ATF7IP2: variants seen among roughly 807,000 people sequenced by gnomAD.
ATF7IP2 encodes activating transcription factor 7-interacting protein 2.
ATF7IP2 carries 42 observed loss-of-function variants against 64.2 expected under a neutral mutation model. That is an observed-to-expected ratio of 0.65 (90% CI 0.51 to 0.85). The LOEUF (loss-of-function observed/expected upper bound fraction) is 0.85. Among genes scored for constraint, ATF7IP2 ranks in the 40% least tolerant of loss-of-function variants. The probability of loss-of-function intolerance (pLI) is 0.00; values close to 1 mark genes in which losing one functional copy is unlikely to be tolerated. For synonymous variants in ATF7IP2, 308 were observed against 272.8 expected (o/e 1.13, Z -1.27); for missense variants, 933 against 784.2 (o/e 1.19, Z -2.27).
intron 1 of ATF7IP2, among the ~76,000 whole-genome samples, chr16:10,392,157 G>A (rs1257146994): frequency 2.0e-5 from 3 of 149,138 alleles, no homozygotes; most frequent in Admixed American, 6.8e-5. Context: ...AGGTTCAAGT[G>A]ATTCTCTTGC....
chr16:10,436,001 G>T (rs1414464515), intron 6 of ATF7IP2, among the ~76,000 whole-genome samples: 1 of 152,186 alleles, frequency 6.6e-6, no homozygotes. Flanking sequence ...AACCCAGCCA[G>T]TGAACTAACA....
At position 10,431,984 on chromosome 16, in the gene ATF7IP2, C is replaced by T. The variant is rs1202966292; in HGVS notation, c.835+529C>T. Among the ~76,000 whole-genome samples the T allele has an allele frequency of 6.1e-5, 8 of 131,874 alleles. No individual in the cohort carries two copies. In the East Asian group the frequency reaches 1.6e-3, roughly 26 times the overall value. 86.5% of individuals were successfully genotyped at this position (131,874 alleles called of 152,430 possible). ...GATTACAGATGGGCACCACTACGCC[C>T]GGCTAATTTTTTTTTTTTTTTTTTT... is the stretch of plus-strand genomic sequence containing the variant. On this transcript the variant is annotated intron_variant, in intron 5 of 13. Transcript: ENST00000562102.
rs749646325 is a variant in ATF7IP2, at chr16:10,433,515, TCTC to T, written c.836-6_836-4del. 1 of 1,603,456 alleles carries T rather than the reference TCTC, an allele frequency of 6.2e-7. No individual in the cohort carries two copies. Among genetic ancestry groups the T allele is most frequent in the Admixed American group, 1.7e-5 (1 of 57,380 alleles). On this transcript the variant is annotated splice_region_variant and splice_polypyrimidine_tract_variant and intron_variant, in intron 5 of 13. Transcript: ENST00000562102. ...AATATCTTTCTTTCTAATCTTTTGA[TCTC>T]CTCAAGGCCATTATCAAAAGAAGAG...
intron 1 of ATF7IP2, among the ~76,000 whole-genome samples, chr16:10,408,681 G>A (rs1343360556): frequency 6.6e-6 from 1 of 152,086 alleles, no homozygotes; most frequent in African/African-American, 2.4e-5. Flanking sequence ...TTTTTGATGG[G>A]ATTATTTGTT....
Position 10,393,584 on chromosome 16 carries a change from G to T in ATF7IP2, c.-242+7462G>T, listed in dbSNP as rs976545487. On this transcript the variant is annotated intron_variant, in intron 1 of 13. Coordinates refer to ENST00000562102, the MANE Select transcript of ATF7IP2 (RefSeq NM_001393719.1). ...GTTAAATTATTTTGCTCAATTGTAG[G>T]CTAATATGAGTGTTCTGAACATGTT... Among the ~76,000 whole-genome samples the T allele has an allele frequency of 2.6e-5, 4 of 152,206 alleles. No homozygotes were observed. In the South Asian group the frequency reaches 6.2e-4, roughly 24 times the overall value.
rs56045719 is a variant in ATF7IP2 at position 10,407,747 on chromosome 16, A to G, written c.-241-6827A>G. 4.8e-3 allele frequency among the ~76,000 whole-genome samples: 737 copies of G among 152,236 alleles called. 3 individuals are homozygous for G. Among genetic ancestry groups the G allele is most frequent in the African/African-American group, 0.017 (703 of 41,560 alleles). ...ATTTTGGTGCACCCATCACCCGAGC[A>G]CTATACACTGAACCCAATTTGTGGT... On this transcript the variant is annotated intron_variant, in intron 1 of 13. Transcript: ENST00000562102.
At chr16:10,474,778 A>T (rs1218805444) in intron 12 of ATF7IP2, among the ~76,000 whole-genome samples, 1 of 152,242 alleles carries the variant, frequency 6.6e-6, no homozygotes, top group Non-Finnish European at 1.5e-5. Context: ...AAAAATGAAG[A>T]TACAATGCAG....
At chr16:10,411,212 G>A (rs979953213) in intron 1 of ATF7IP2, among the ~76,000 whole-genome samples, 2 of 152,074 alleles carry the variant, frequency 1.3e-5, no homozygotes, top group Non-Finnish European at 2.9e-5. Flanking sequence ...TTGTATTAGG[G>A]TGATACTGGC....
intron 1 of ATF7IP2, among the ~76,000 whole-genome samples, chr16:10,390,977 G>A (rs942782417): frequency 2.0e-5 from 3 of 150,646 alleles, no homozygotes; most frequent in Non-Finnish European, 4.4e-5. Context: ...AGCCTGGGCA[G>A]CATAATGAGA....
At chr16:10,401,889 G>T (rs1190320076) in intron 1 of ATF7IP2, among the ~76,000 whole-genome samples, 4 of 151,602 alleles carry the variant, frequency 2.6e-5, no homozygotes, top group African/African-American at 9.7e-5. Flanking sequence ...TTTCCTGTTT[G>T]TCAGTATATA....
In ATF7IP2 at chr16:10,431,179, A is replaced by G. The variant is rs752195575; in HGVS notation, c.559A>G (p.Ser187Gly). 4 of 1,614,112 alleles carry G rather than the reference A, an allele frequency of 2.5e-6. No individual in the cohort carries two copies. In the East Asian group the frequency reaches 8.9e-5, roughly 36 times the overall value. ...TCAGATGCCAGAGTCTACAGTAACC[A>G]GTACCGTGGGTGACAAGAAAACTGA... ...VVQMPESTVT[S>G]TVGDKKTDQM... Residue 187 changes from serine to glycine, a missense_variant, in exon 5 of 14, where the codon AGT (serine) becomes GGT (glycine). Coordinates refer to ENST00000562102, the MANE Select transcript of ATF7IP2 (RefSeq NM_001393719.1).
At chr16:10,404,493 C>T (rs1423653468) in intron 1 of ATF7IP2, among the ~76,000 whole-genome samples, 3 of 152,174 alleles carry the variant, frequency 2.0e-5, no homozygotes, top group Non-Finnish European at 4.4e-5. Context: ...ATGATCCACC[C>T]ACCTTGGCCT....
rs570572745 is a variant in ATF7IP2, at chr16:10,431,472, G to C, written c.835+17G>C. ...ATAACAACAGTAAGTATATACTTAT[G>C]CACCTTTTAGAAAAATTAAAATAGT... On this transcript the variant is annotated intron_variant, in intron 5 of 13. Transcript: ENST00000562102. 2.7e-6 allele frequency: 4 copies of C among 1,476,232 alleles called. No homozygotes were observed. In the African/African-American group the frequency reaches 4.2e-5, roughly 16 times the overall value. 91.4% of individuals were successfully genotyped at this position (1,476,232 alleles called of 1,614,324 possible).
At chr16:10,460,981 TCAA>T (rs1424165081) in intron 9 of ATF7IP2, among the ~76,000 whole-genome samples, 3 of 151,936 alleles carry the variant, frequency 2.0e-5, no homozygotes, top group Non-Finnish European at 2.9e-5. Flanking sequence ...ATAAAGAACT[TCAA>T]CAAGTCAATG....
chr16:10,436,129 G>A (rs1263260732), intron 6 of ATF7IP2, among the ~76,000 whole-genome samples: 4 of 152,220 alleles, frequency 2.6e-5, no homozygotes, highest in Admixed American at 6.5e-5. Flanking sequence ...GGGAGGCCAA[G>A]TTGGGTGGAT....
At chr16:10,421,749 A>T (rs1246081228) in intron 3 of ATF7IP2, among the ~76,000 whole-genome samples, 7 of 152,246 alleles carry the variant, frequency 4.6e-5, no homozygotes, top group Non-Finnish European at 1.0e-4. Context: ...AACACTGTGG[A>T]CATTTTTTAC....
At chr16:10,411,437 C>A (rs1475154213) in intron 1 of ATF7IP2, among the ~76,000 whole-genome samples, 11 of 151,066 alleles carry the variant, frequency 7.3e-5, no homozygotes, top group Non-Finnish European at 8.8e-5. Context: ...GCTGTGTCAC[C>A]CAGGCTGAAG....
intron 9 of ATF7IP2, among the ~76,000 whole-genome samples, chr16:10,471,205 C>A (rs2049785922): frequency 6.6e-6 from 1 of 152,096 alleles, no homozygotes; most frequent in Admixed American, 6.5e-5. Context: ...TAAGTACAAA[C>A]AGTAAAAACA....
At chr16:10,431,524 C>G (rs1217872964) in intron 5 of ATF7IP2, 69 bp downstream of exon 5, 3 of 1,039,304 alleles carry the variant, frequency 2.9e-6, no homozygotes, top group African/African-American at 1.6e-5. Flanking sequence ...ATTTTAAAGT[C>G]TCAAATATAC....
Sources: allele counts gnomAD v4.1 joint callset (sites outside exome capture counted in the v4.1 genomes callset), GRCh38; gene constraint gnomAD v4.1.1; transcripts MANE v1.5; gene names NCBI Gene and HGNC (gene_info 2026-07-23, HGNC 2026-07-21).